Variants in ZFAND6 observed in about 807,000 individuals in gnomAD.
The protein encoded by ZFAND6 is zinc finger AN1-type containing 6.
Under a neutral mutation model 24.5 loss-of-function variants are expected in ZFAND6, and 12 were observed. The ratio of observed to expected loss-of-function variants is 0.49; its 90% confidence interval spans 0.31 to 0.79. The LOEUF is 0.79. Ranked by LOEUF, ZFAND6 falls within the 30% of genes least tolerant of loss-of-function variation. The pLI is 0.04. For synonymous variants in ZFAND6, 92 were observed against 81.5 expected, an observed-to-expected ratio of 1.13 and a Z score of -0.69; for missense variants, 207 against 245.9, an observed-to-expected ratio of 0.84 and a Z score of 1.06.
intron 1 of ZFAND6, among the ~76,000 whole-genome samples, chr15:80,091,160 G>GATGTGTGT (rs1555430411): frequency 6.7e-6 from 1 of 150,166 alleles, no homozygotes; most frequent in Admixed American, 6.6e-5. Context: ...GTTGTTAAGG[G>GATGTGTGT]GTGTGTGTGT....
chr15:80,100,863 C>A (rs79062779), intron 2 of ZFAND6, among the ~76,000 whole-genome samples: 1 of 152,224 alleles, frequency 6.6e-6, no homozygotes, highest in South Asian at 2.1e-4. Flanking sequence ...TCCCTTCTAA[C>A]ATCTCTGTGA....
intron 2 of ZFAND6, chr15:80,112,764 C>A (rs1197844658): frequency 4.4e-6 from 2 of 455,988 alleles, no homozygotes; most frequent in Admixed American, 4.7e-5. Context: ...CTCTTTATTA[C>A]CCATGTGATA....
intron 1 of ZFAND6, among the ~76,000 whole-genome samples, chr15:80,097,766 CTTGTAA>C (rs1020014585): frequency 3.3e-5 from 5 of 151,782 alleles, no homozygotes; most frequent in African/African-American, 9.7e-5. Context: ...AGATTTTTAT[CTTGTAA>C]TTGTAGTTCT....
chr15:80,080,634 C>T (rs1374234287), intron 1 of ZFAND6, among the ~76,000 whole-genome samples: 1 of 152,170 alleles, frequency 6.6e-6, no homozygotes, highest in Non-Finnish European at 1.5e-5. Flanking sequence ...TTAGGTCATT[C>T]TTGCATTACT....
rs2038665275 is a variant in ZFAND6, at chr15:80,095,503, A to G, written c.-180-2913A>G. ...GACTCAATATATACCAGTCCTCATC[A>G]AACTTTCATTCACAAAGAGTTTTAA... On this transcript the variant is annotated intron_variant, in intron 1 of 6. Transcript: ENST00000261749. Among the ~76,000 whole-genome samples, 3 of 152,352 alleles carry G rather than the reference A, an allele frequency of 2.0e-5. No individual in the cohort carries two copies. In the South Asian group the frequency reaches 6.2e-4, roughly 32 times the overall value.
At chr15:80,068,143 G>T (rs1435434787) in intron 1 of ZFAND6, among the ~76,000 whole-genome samples, 40 of 142,746 alleles carry the variant, frequency 2.8e-4, no homozygotes, top group East Asian at 1.3e-3. Flanking sequence ...TTTTTTTTTT[G>T]TTTGTTTGTT....
intron 5 of ZFAND6, among the ~76,000 whole-genome samples, chr15:80,127,384 T>TG (rs2040411363): frequency 6.6e-6 from 1 of 151,946 alleles, no homozygotes; most frequent in South Asian, 2.1e-4. Flanking sequence ...AGTCAGGAGT[T>TG]GGAGACCAGC....
intron 1 of ZFAND6, among the ~76,000 whole-genome samples, chr15:80,071,415 A>T (rs1213751052): frequency 6.6e-6 from 1 of 152,198 alleles, no homozygotes; most frequent in African/African-American, 2.4e-5. Context: ...CTATACTTAC[A>T]CCGTAAATTA....
chr15:80,131,435 G>A, intron 6 of ZFAND6, 142 bp downstream of exon 6: 1 of 631,508 alleles, frequency 1.6e-6, no homozygotes, highest in African/African-American at 1.9e-5. Flanking sequence ...ATTTTCTTAA[G>A]GAAATAAAAA....
At chr15:80,069,646 A>G (rs547258310) in intron 1 of ZFAND6, among the ~76,000 whole-genome samples, 167 of 151,922 alleles carry the variant, frequency 1.1e-3, no homozygotes, top group African/African-American at 3.9e-3. Context: ...TTATTTATTT[A>G]TTTAGAGACA....
chr15:80,134,965 A>G (rs2040789143), intron 6 of ZFAND6, among the ~76,000 whole-genome samples: 1 of 152,238 alleles, frequency 6.6e-6, no homozygotes, highest in Non-Finnish European at 1.5e-5. Context: ...TATGGAAACA[A>G]TTTAGAGAAC....
At chr15:80,111,046 C>G (rs941542518) in intron 2 of ZFAND6, among the ~76,000 whole-genome samples, 2 of 152,170 alleles carry the variant, frequency 1.3e-5, no homozygotes, top group African/African-American at 4.8e-5. Context: ...TTGAAGCTGT[C>G]AGCTTCAGTA....
chr15:80,067,138 G>T (rs947004257), intron 1 of ZFAND6, among the ~76,000 whole-genome samples: 1 of 152,146 alleles, frequency 6.6e-6, no homozygotes, highest in Non-Finnish European at 1.5e-5. Context: ...GTTTACTGAG[G>T]GAGGACAGTG....
intron 2 of ZFAND6, among the ~76,000 whole-genome samples, chr15:80,112,334 G>T (rs2039651393): frequency 6.6e-6 from 1 of 152,176 alleles, no homozygotes; most frequent in Non-Finnish European, 1.5e-5. Flanking sequence ...TTTTATCAGA[G>T]TGACTAGCAT....
At chr15:80,115,376 A>G (rs1216824576) in intron 2 of ZFAND6, among the ~76,000 whole-genome samples, 1 of 152,138 alleles carries the variant, frequency 6.6e-6, no homozygotes, top group Admixed American at 6.5e-5. Flanking sequence ...TATCTGGTAG[A>G]GTGATCTTAC....
intron 2 of ZFAND6, among the ~76,000 whole-genome samples, chr15:80,114,401 G>T (rs2039766085): frequency 6.6e-6 from 1 of 152,168 alleles, no homozygotes; most frequent in Admixed American, 6.5e-5. Context: ...CGAATGCTAG[G>T]TTGAGTACTC....
intron 1 of ZFAND6, among the ~76,000 whole-genome samples, chr15:80,085,991 T>G (rs1017202543): frequency 6.6e-6 from 1 of 152,194 alleles, no homozygotes; most frequent in Non-Finnish European, 1.5e-5. Context: ...ACGTATTAAT[T>G]TTTTTTAGTT....
chr15:80,076,033 C>T (rs1317985313), intron 1 of ZFAND6, among the ~76,000 whole-genome samples: 1 of 152,098 alleles, frequency 6.6e-6, no homozygotes, highest in Non-Finnish European at 1.5e-5. Context: ...GTGCTTTCCT[C>T]ATTAGTGATC....
Position 80,121,731 on chromosome 15 carries a change from G to C in ZFAND6, c.174G>C (p.Leu58=), listed in dbSNP as rs372075821. The change falls in exon 4 of 7, where the codon CTG becomes CTC. Residue 58 remains leucine, a synonymous_variant. Coordinates refer to ENST00000261749, the MANE Select transcript of ZFAND6 (RefSeq NM_019006.4). ...ISPPATSVSS[L]SESLPVQCTD... ...TTACAGCAACCTCTGTCAGTAGTCT[G>C]TCTGAATCTTTACCAGTTCAATGCA... 4 of 1,613,812 alleles carry C rather than the reference G, an allele frequency of 2.5e-6. No individual in the cohort carries two copies. The highest frequency in any genetic ancestry group is 2.2e-5 in the East Asian group (1 of 44,866).
Sources: allele counts gnomAD v4.1 joint callset (sites outside exome capture counted in the v4.1 genomes callset), GRCh38; gene constraint gnomAD v4.1.1; transcripts MANE v1.5; gene names NCBI Gene and HGNC (gene_info 2026-07-23, HGNC 2026-07-21).